VTI1A: variants seen among roughly 807,000 people sequenced by gnomAD.
The protein encoded by VTI1A is vesicle transport through interaction with t-SNAREs homolog 1A.
Under a neutral mutation model 34.9 loss-of-function variants are expected in VTI1A, and 22 were observed. The observed-to-expected ratio is 0.63, with a 90% CI of 0.45 to 0.90. The LOEUF (loss-of-function observed/expected upper bound fraction) is 0.90. Among genes scored for constraint, VTI1A ranks in the 40% least tolerant of loss-of-function variants. The probability of loss-of-function intolerance (pLI) is 0.00; values close to 1 mark genes in which losing one functional copy is unlikely to be tolerated. For synonymous variants in VTI1A, 87 were observed against 97.3 expected (o/e 0.89, Z 0.62); for missense variants, 268 against 275.6 (o/e 0.97, Z 0.20).
intron 3 of VTI1A, among the ~76,000 whole-genome samples, chr10:112,502,106 C>A (rs966634706): frequency 6.7e-6 from 1 of 149,876 alleles, no homozygotes; most frequent in South Asian, 2.1e-4. Flanking sequence ...CGGCTCACTG[C>A]AGCCTCGACC....
chr10:112,463,722 A>C (rs568731839), intron 2 of VTI1A, among the ~76,000 whole-genome samples: 25 of 152,304 alleles, frequency 1.6e-4, no homozygotes, highest in African/African-American at 5.5e-4. Context: ...TGTGGTTATA[A>C]AGTATCGGGA....
At chr10:112,709,252 A>G (rs1485436286) in intron 7 of VTI1A, among the ~76,000 whole-genome samples, 1 of 152,092 alleles carries the variant, frequency 6.6e-6, no homozygotes, top group African/African-American at 2.4e-5. Context: ...TGCTTTGCTG[A>G]CAAACACCTC....
chr10:112,448,276 AC>A (rs1393182736), intron 1 of VTI1A: 44 of 152,032 alleles, frequency 2.9e-4, no homozygotes, highest in Admixed American at 2.8e-3. Context: ...TTATTGTATA[AC>A]CCAGTTTCAT....
At chr10:112,451,293 AAC>A (rs1296945017) in intron 1 of VTI1A, among the ~76,000 whole-genome samples, 2 of 152,200 alleles carry the variant, frequency 1.3e-5, no homozygotes, top group Non-Finnish European at 2.9e-5. Flanking sequence ...TAAAACATGT[AAC>A]ACACTAGCAC....
At chr10:112,821,159 T>C (rs1192553748), downstream of VTI1A, among the ~76,000 whole-genome samples, 2 of 152,228 alleles carry the variant, frequency 1.3e-5, no homozygotes, top group African/African-American at 2.4e-5. Context: ...TGTGATTCCA[T>C]GAACTCGCGC....
intron 5 of VTI1A, among the ~76,000 whole-genome samples, chr10:112,600,335 A>G (rs970493907): frequency 1.3e-5 from 2 of 152,180 alleles, no homozygotes; most frequent in Non-Finnish European, 1.5e-5. Flanking sequence ...AAACTGTCCA[A>G]TGACTTCCCA....
intron 7 of VTI1A, among the ~76,000 whole-genome samples, chr10:112,759,548 G>A (rs536079780): frequency 3.3e-5 from 5 of 152,148 alleles, no homozygotes; most frequent in South Asian, 2.1e-4. Flanking sequence ...GAAACACAAC[G>A]GACACAGTTC....
intron 7 of VTI1A, among the ~76,000 whole-genome samples, chr10:112,754,934 G>A (rs1851227830): frequency 6.6e-6 from 1 of 152,202 alleles, no homozygotes. Flanking sequence ...GGGGACTGGG[G>A]CTCAAAGGTT....
intron 2 of VTI1A, among the ~76,000 whole-genome samples, chr10:112,462,896 TTTTATTTATTTATTTATTTA>T (rs59884374): frequency 3.0e-4 from 43 of 144,836 alleles, no homozygotes; most frequent in Admixed American, 1.2e-3. Context: ...TGTTACTGGT[TTTTATTTATTTATTTATTTA>T]TTTATTTATT....
chr10:112,495,462 A>G (rs1848983546), intron 3 of VTI1A, among the ~76,000 whole-genome samples: 2 of 152,136 alleles, frequency 1.3e-5, no homozygotes, highest in Admixed American at 1.3e-4. Flanking sequence ...GTTTCAAGAG[A>G]TGGCACTACC....
At chr10:112,552,146 A>C (rs552740672) in intron 5 of VTI1A, among the ~76,000 whole-genome samples, 1 of 152,290 alleles carries the variant, frequency 6.6e-6, no homozygotes, top group South Asian at 2.1e-4. Flanking sequence ...TCTGCTTTAA[A>C]ATTTTCAGAC....
intron 7 of VTI1A, among the ~76,000 whole-genome samples, chr10:112,785,207 C>A (rs1254819433): frequency 6.6e-6 from 1 of 152,212 alleles, no homozygotes; most frequent in Non-Finnish European, 1.5e-5. Context: ...GGCAGAGGTC[C>A]ATGAAGCCTG....
chr10:112,684,165 G>T (rs917361533), intron 7 of VTI1A, among the ~76,000 whole-genome samples: 5 of 152,008 alleles, frequency 3.3e-5, no homozygotes, highest in African/African-American at 1.2e-4. Flanking sequence ...TTTTATTCCA[G>T]TTTTTTCTGT....
intron 5 of VTI1A, among the ~76,000 whole-genome samples, chr10:112,596,977 C>T (rs138754140): frequency 1.2e-3 from 178 of 152,152 alleles, no homozygotes; most frequent in African/African-American, 4.0e-3. Context: ...ATTAGTTTTT[C>T]GTTTGAATGT....
chr10:112,780,545 A>C (rs1370790383), intron 7 of VTI1A, among the ~76,000 whole-genome samples: 1 of 152,104 alleles, frequency 6.6e-6, no homozygotes, highest in African/African-American at 2.4e-5. Context: ...GTTTTCTAAA[A>C]TTATTATAAT....
At chr10:112,802,065 C>G (rs1030016978) in intron 7 of VTI1A, among the ~76,000 whole-genome samples, 3 of 152,020 alleles carry the variant, frequency 2.0e-5, no homozygotes, top group African/African-American at 4.8e-5. Flanking sequence ...CTGGGTAACA[C>G]AGGGAGACCC....
At chr10:112,682,087 T>A (rs1848235530) in intron 7 of VTI1A, among the ~76,000 whole-genome samples, 1 of 152,226 alleles carries the variant, frequency 6.6e-6, no homozygotes, top group South Asian at 2.1e-4. Context: ...AAGCTATTTA[T>A]ATGGATAATT....
chr10:112,763,074 A>G, intron 7 of VTI1A, among the ~76,000 whole-genome samples: 1 of 152,140 alleles, frequency 6.6e-6, no homozygotes, highest in East Asian at 1.9e-4. Flanking sequence ...TATTAGTGGT[A>G]CCAGTTTGGT....
chr10:112,467,794 A>G lies in VTI1A; in HGVS notation c.264+3137A>G, dbSNP rs141293115. 9.8e-5 allele frequency among the ~76,000 whole-genome samples: 15 copies of G among 152,372 alleles called. No homozygotes were observed. The East Asian group carries it at 2.9e-3, about 29-fold the overall frequency. ...ATTACTATCCTCATTTACACATGAT[A>G]GAACAAAGAGGCTTAGATTAATTAT... is the stretch of plus-strand genomic sequence containing the variant. On this transcript the variant is annotated intron_variant, in intron 3 of 7. Transcript: ENST00000393077.
Sources: allele counts gnomAD v4.1 joint callset (sites outside exome capture counted in the v4.1 genomes callset), GRCh38; gene constraint gnomAD v4.1.1; transcripts MANE v1.5; gene names NCBI Gene and HGNC (gene_info 2026-07-23, HGNC 2026-07-21).